HTR4: variants seen among roughly 807,000 people sequenced by gnomAD.
HTR4 encodes the protein 5-hydroxytryptamine (serotonin) receptor 4, G protein-coupled.
In HTR4, 16 loss-of-function variants were observed where a neutral mutation model predicts 36.8. The ratio of observed to expected loss-of-function variants is 0.43; its 90% CI spans 0.29 to 0.66. The LOEUF is 0.66. HTR4 is among the 30% of genes least tolerant of loss of function. HTR4 has a pLI of 0.13. For missense variants in HTR4, 438 were observed against 490.9 expected (o/e 0.89, Z 1.02); for synonymous variants, 189 against 185.1 (o/e 1.02, Z -0.17).
At chr5:148,595,313 C>T (rs1038128583) in intron 2 of HTR4, among the ~76,000 whole-genome samples, 3 of 152,138 alleles carry the variant, frequency 2.0e-5, no homozygotes, top group Non-Finnish European at 1.5e-5. Context: ...AGCACCACCA[C>T]GACCAATGGA....
intron 2 of HTR4, among the ~76,000 whole-genome samples, chr5:148,563,817 C>A (rs1274049240): frequency 6.6e-6 from 1 of 152,158 alleles, no homozygotes; most frequent in Non-Finnish European, 1.5e-5. Context: ...GCAAATACTA[C>A]ATCATTCTAT....
At chr5:148,644,434 T>TTTTTTTG (rs1753819407) in intron 1 of HTR4, among the ~76,000 whole-genome samples, 2 of 140,966 alleles carry the variant, frequency 1.4e-5, no homozygotes, top group African/African-American at 5.3e-5. Flanking sequence ...TTTTTTTTTT[T>TTTTTTTG]TTTTTTTTTT....
intron 2 of HTR4, among the ~76,000 whole-genome samples, chr5:148,554,318 G>A (rs984146539): frequency 1.6e-4 from 25 of 152,094 alleles, no homozygotes; most frequent in East Asian, 1.2e-3. Flanking sequence ...CAGGTGATCC[G>A]CCCGCCTCGG....
intron 6 of HTR4, among the ~76,000 whole-genome samples, chr5:148,491,520 G>A (rs1231942785): frequency 6.6e-6 from 1 of 152,064 alleles, no homozygotes; most frequent in Non-Finnish European, 1.5e-5. Context: ...GAAATCTGGG[G>A]CCAGGAAATT....
At chr5:148,471,953 G>T (rs933966751), downstream of HTR4, among the ~76,000 whole-genome samples, 1 of 152,192 alleles carries the variant, frequency 6.6e-6, no homozygotes, top group African/African-American at 2.4e-5. Flanking sequence ...TTGCTGGTGT[G>T]TGGTGATCAG....
At chr5:148,650,438 G>C (rs1754000164) in intron 1 of HTR4, among the ~76,000 whole-genome samples, 1 of 152,100 alleles carries the variant, frequency 6.6e-6, no homozygotes. Flanking sequence ...AAGTCTATTT[G>C]GTAGCCATTT....
intron 2 of HTR4, among the ~76,000 whole-genome samples, chr5:148,614,801 C>G (rs1256560063): frequency 6.6e-6 from 1 of 152,140 alleles, no homozygotes; most frequent in East Asian, 1.9e-4. Context: ...GGGCTAATAT[C>G]CAGAATCTAC....
chr5:148,457,787 C>T (rs10061562), intron 5 of HTR4, among the ~76,000 whole-genome samples: 121,404 of 140,166 alleles, frequency 0.87, 52,945 homozygotes, highest in African/African-American at 0.97. Flanking sequence ...TATATTTTGA[C>T]ATATCATTAA....
intron 4 of HTR4, among the ~76,000 whole-genome samples, chr5:148,539,820 C>T (rs1221003376): frequency 6.6e-6 from 1 of 152,092 alleles, no homozygotes; most frequent in Non-Finnish European, 1.5e-5. Flanking sequence ...GGCGATTCCT[C>T]AAAGAGCTAA....
intron 1 of HTR4, among the ~76,000 whole-genome samples, chr5:148,653,635 C>T (rs1312562839): frequency 6.6e-6 from 1 of 151,998 alleles, no homozygotes; most frequent in Admixed American, 6.6e-5. Flanking sequence ...ACACACAGCA[C>T]ACTCTGGGCT....
intron 5 of HTR4, among the ~76,000 whole-genome samples, chr5:148,466,237 T>C (rs1357733395): frequency 6.6e-6 from 1 of 152,206 alleles, no homozygotes; most frequent in Non-Finnish European, 1.5e-5. Context: ...CAGCCTCTTC[T>C]TCCCTCCTGT....
chr5:148,611,476 C>T (rs1752425730), intron 2 of HTR4, among the ~76,000 whole-genome samples: 1 of 131,474 alleles, frequency 7.6e-6, no homozygotes, highest in Non-Finnish European at 1.6e-5. Context: ...CAAGCAAATG[C>T]TGAGAGATTT....
intron 4 of HTR4, among the ~76,000 whole-genome samples, chr5:148,542,638 C>CA (rs1554093815): frequency 1.3e-5 from 2 of 151,378 alleles, no homozygotes; most frequent in South Asian, 2.1e-4. Context: ...GTGAAATTGA[C>CA]TTTTTTTTTA....
intron 2 of HTR4, among the ~76,000 whole-genome samples, chr5:148,566,748 G>A (rs1053254907): frequency 2.0e-5 from 3 of 151,912 alleles, no homozygotes; most frequent in African/African-American, 7.3e-5. Flanking sequence ...ATATGTACAG[G>A]TAAATGATAC....
chr5:148,647,274 GAAGA>G (rs1753899629), intron 1 of HTR4, among the ~76,000 whole-genome samples: 1 of 152,212 alleles, frequency 6.6e-6, no homozygotes, highest in Admixed American at 6.5e-5. Context: ...TGTTGAGAAG[GAAGA>G]AAGAGTGCAT....
intron 2 of HTR4, among the ~76,000 whole-genome samples, chr5:148,635,540 T>C (rs1268172454): frequency 6.6e-6 from 1 of 152,196 alleles, no homozygotes; most frequent in Non-Finnish European, 1.5e-5. Flanking sequence ...TATTCTGCTG[T>C]TAGAATCTAA....
At chr5:148,574,361 A>T (rs1241255010) in intron 2 of HTR4, among the ~76,000 whole-genome samples, 1 of 151,748 alleles carries the variant, frequency 6.6e-6, no homozygotes, top group African/African-American at 2.4e-5. Context: ...ACCTGATAAA[A>T]GGGCAAATAT....
intron 5 of HTR4, among the ~76,000 whole-genome samples, chr5:148,517,263 G>A (rs556231363): frequency 1.3e-4 from 19 of 151,958 alleles, no homozygotes; most frequent in African/African-American, 4.6e-4. Context: ...GTCCTTTACT[G>A]CCCTTCGTTC....
At chr5:148,473,446 A>G (rs1405309156), downstream of HTR4, among the ~76,000 whole-genome samples, 2 of 152,232 alleles carry the variant, frequency 1.3e-5, no homozygotes, top group African/African-American at 4.8e-5. Flanking sequence ...AAAATAAAAA[A>G]TGACTTCCTA....
Sources: gnomAD v4.1 joint callset for allele counts (sites outside exome capture counted in the v4.1 genomes callset) on GRCh38, gnomAD v4.1.1 for gene constraint, MANE v1.5 for transcripts, NCBI Gene and HGNC (gene_info 2026-07-23, HGNC 2026-07-21) for gene names.